ZFYVE16: variants seen among roughly 807,000 people sequenced by gnomAD.
ZFYVE16 encodes zinc finger FYVE domain-containing protein 16.
Under a neutral mutation model 138.1 loss-of-function variants are expected in ZFYVE16, and 89 were observed. The observed-to-expected ratio is 0.64, with a 90% CI of 0.54 to 0.77. The LOEUF (loss-of-function observed/expected upper bound fraction) is 0.77. ZFYVE16 is among the 30% of genes least tolerant of loss of function. ZFYVE16 has a pLI of 0.00. For synonymous variants in ZFYVE16, 596 were observed against 618.3 expected, an observed-to-expected ratio of 0.96 and a Z score of 0.53; for missense variants, 1,793 against 1,786.7, an observed-to-expected ratio of 1.00 and a Z score of -0.06.
chr5:80,474,962 C>T, intron 18 of ZFYVE16, 132 bp downstream of exon 18: 1 of 941,750 alleles, frequency 1.1e-6, no homozygotes. Flanking sequence ...ACACACTTCA[C>T]ATATATTATC....
At position 80,438,462 on chromosome 5, in the gene ZFYVE16, A is replaced by G; in HGVS notation, c.1777A>G (p.Asn593Asp). ...AGAIGESHGI[N>D]IICEIVDKQN... is the part of the protein sequence containing the mutation. ...AGCTATTGGGGAAAGTCATGGTATTAATATAATTTGTGAAATAGTTGATAA... is the reference window on the plus strand; with the variant it reads ...AGCTATTGGGGAAAGTCATGGTATTGATATAATTTGTGAAATAGTTGATAA... Residue 593 changes from asparagine (N) to aspartate (D), a missense_variant, in exon 4 of 19, where the codon AAT becomes GAT. By Grantham distance (23) the Asn-to-Asp change is conservative. Coordinates refer to ENST00000505560, the MANE Select transcript of ZFYVE16 (RefSeq NM_001284236.3). 6.2e-7 allele frequency: 1 copy of G among 1,613,796 alleles called. No individual in the cohort carries two copies. Among genetic ancestry groups the G allele is most frequent in the Non-Finnish European group, 8.5e-7 (1 of 1,179,856 alleles).
In ZFYVE16 at chr5:80,436,748, T is replaced by C; in HGVS notation, c.71-8T>C. 1 of 1,596,570 alleles carries C rather than the reference T, an allele frequency of 6.3e-7. No individual in the cohort carries two copies. The highest frequency in any genetic ancestry group is 1.1e-5 in the South Asian group (1 of 89,202). On this transcript the variant is annotated splice_region_variant and splice_polypyrimidine_tract_variant and intron_variant, in intron 3 of 18. Coordinates refer to ENST00000505560, the MANE Select transcript of ZFYVE16 (RefSeq NM_001284236.3). ...AGTCTCCCGAATAACACTGTTTCTC[T>C]ATTTCAGATGAACAAGATTATCTCC...
intron 15 of ZFYVE16, among the ~76,000 whole-genome samples, chr5:80,465,396 C>CTTTTTTTTTTTTTTTTTTTTTTTTTTTT (rs1187412933): frequency 7.6e-5 from 2 of 26,404 alleles, no homozygotes; most frequent in Non-Finnish European, 2.1e-4. Flanking sequence ...TTTTCCTTTT[C>CTTTTTTTTTTTTTTTTTTTTTTTTTTTT]TTTGTTTTTT....
At chr5:80,434,289 A>G in intron 3 of ZFYVE16, 72 bp downstream of exon 3, 4 of 1,456,762 alleles carry the variant, frequency 2.7e-6, no homozygotes, top group Non-Finnish European at 3.8e-6. Flanking sequence ...TCAGGTATAC[A>G]GTAATATTAG....
chr5:80,468,526 G>T (rs533050713), intron 15 of ZFYVE16, among the ~76,000 whole-genome samples: 2 of 152,186 alleles, frequency 1.3e-5, no homozygotes, highest in South Asian at 4.1e-4. Context: ...CACAGAAAAC[G>T]CACAGTAAAA....
Position 80,411,036 on chromosome 5 carries a change from G to C in ZFYVE16, c.-94+2883G>C, listed in dbSNP as rs184406840. 6.1e-3 allele frequency among the ~76,000 whole-genome samples: 929 copies of C among 151,268 alleles called. 10 individuals carry two copies. Among genetic ancestry groups the C allele is most frequent in the African/African-American group, 0.021 (857 of 41,130 alleles). ...GGCTGGAGTGCAGTGGCACCATCTCGGCTCACTGCAACCTCCGCCTCCTGG... is the reference window on the plus strand; with the variant it reads ...GGCTGGAGTGCAGTGGCACCATCTCCGCTCACTGCAACCTCCGCCTCCTGG... On this transcript the variant is annotated intron_variant, in intron 1 of 18. Transcript: ENST00000505560.
rs369109701 is a variant in ZFYVE16 at position 80,470,064 on chromosome 5, C to CGTGTGTGTGTGTGTGT, written c.4025-2676_4025-2661dup. ...ATATATGTGTGTGTGTGTATATATA[C>CGTGTGTGTGTGTGTGT]GTGTGTGTGTGTGTGTGTGTGTGTG... is the stretch of plus-strand genomic sequence containing the variant. On this transcript the variant is annotated intron_variant, in intron 15 of 18. Coordinates refer to ENST00000505560, the MANE Select transcript of ZFYVE16 (RefSeq NM_001284236.3). Among the ~76,000 whole-genome samples the CGTGTGTGTGTGTGTGT allele has an allele frequency of 1.4e-3, 85 of 59,512 alleles. 1 individual carries two copies. Among genetic ancestry groups the CGTGTGTGTGTGTGTGT allele is most frequent in the African/African-American group, 3.1e-3 (67 of 21,380 alleles). 39.0% of individuals were successfully genotyped at this position (59,512 alleles called of 152,430 possible).
chr5:80,441,161 T>C (rs1325695025), intron 5 of ZFYVE16: 24 of 985,428 alleles, frequency 2.4e-5, no homozygotes, highest in Non-Finnish European at 2.4e-5. Flanking sequence ...AATTCAGAAA[T>C]TTTAGAGCAA....
chr5:80,441,824 G>C, intron 5 of ZFYVE16: 2 of 985,408 alleles, frequency 2.0e-6, no homozygotes, highest in Non-Finnish European at 2.4e-6. Context: ...GATTGTTTTA[G>C]CAGTGGCAGC....
Position 80,437,014 on chromosome 5 carries a change from C to T in ZFYVE16, c.329C>T (p.Thr110Ile), listed in dbSNP as rs143218664. The change falls in exon 4 of 19, where the codon ACT becomes ATT. Residue 110 changes from threonine to isoleucine, a missense_variant. Thr to Ile is a moderately conservative substitution (Grantham distance 89). Transcript: ENST00000505560. The part of the protein sequence containing the change: ...LDLLSSVDGG[T>I]SDEIQPLYMG... ...CTTCTTTCTTCTGTGGATGGTGGTA[C>T]TTCAGATGAAATCCAGCCGTTATAT... is the stretch of plus-strand genomic sequence containing the variant. The T allele has an allele frequency of 1.9e-6, 3 of 1,614,012 alleles. No individual in the cohort carries two copies. The highest frequency in any genetic ancestry group is 4.5e-5 in the East Asian group (2 of 44,886).
intron 2 of ZFYVE16, among the ~76,000 whole-genome samples, chr5:80,428,067 C>T (rs564122510): frequency 2.2e-4 from 32 of 147,080 alleles, no homozygotes; most frequent in African/African-American, 7.7e-4. Flanking sequence ...ACACAGAAGA[C>T]GGGTGATTTC....
At chr5:80,413,671 A>G (rs1225002542) in intron 1 of ZFYVE16, among the ~76,000 whole-genome samples, 1 of 152,188 alleles carries the variant, frequency 6.6e-6, no homozygotes, top group Admixed American at 6.5e-5. Context: ...TGATGGATGC[A>G]TAGGAGAGAA....
chr5:80,419,096 T>TA (rs1353509575), intron 1 of ZFYVE16, among the ~76,000 whole-genome samples: 4 of 151,242 alleles, frequency 2.6e-5, no homozygotes, highest in African/African-American at 2.4e-5. Context: ...TTTTTTTTTT[T>TA]ATGCAGGGTC....
intron 11 of ZFYVE16, chr5:80,455,021 G>A (rs936869680): frequency 1.3e-5 from 2 of 152,152 alleles, no homozygotes; most frequent in East Asian, 3.8e-4. Context: ...ATAATGAAAA[G>A]ATGAAATACT....
chr5:80,457,207 AAT>A lies in ZFYVE16; in HGVS notation c.3943+118_3943+119del, dbSNP rs576913828. The A allele has an allele frequency of 4.2e-5, 60 of 1,418,790 alleles. No homozygotes were observed. In the African/African-American group the frequency reaches 7.6e-4, roughly 18 times the overall value. The allele number at this position is 1,418,790 out of a possible 1,614,324, so 87.9% of individuals were successfully genotyped here. On this transcript the variant is annotated intron_variant, in intron 14 of 18. Transcript: ENST00000505560. Reference sequence around the variant, plus strand: ...TTTGCTGAATTGTTGGTGATAAAACAATATGTTTTGAAATTTCAGCTACACAA... The same window carrying A: ...TTTGCTGAATTGTTGGTGATAAAACAATGTTTTGAAATTTCAGCTACACAA...
chr5:80,460,933 T>A (rs1753037380), intron 15 of ZFYVE16, among the ~76,000 whole-genome samples: 1 of 152,204 alleles, frequency 6.6e-6, no homozygotes, highest in Non-Finnish European at 1.5e-5. Flanking sequence ...CAATCCTACT[T>A]TATCCATACT....
Position 80,477,430 on chromosome 5 carries a change from C to G in ZFYVE16, c.*53C>G, listed in dbSNP as rs527886922. 3.3e-5 allele frequency: 51 copies of G among 1,525,546 alleles called. No homozygotes were observed. Among genetic ancestry groups the G allele is most frequent in the South Asian group, 7.4e-5 (6 of 80,816 alleles). 94.5% of individuals were successfully genotyped at this position (1,525,546 alleles called of 1,614,324 possible). A position where few individuals can be genotyped will look rare whatever the true frequency, so the allele number is the denominator to read the frequency against. On this transcript the variant is annotated 3_prime_UTR_variant, in exon 19 of 19. Transcript: ENST00000505560. ...CAACCTAATTTGTTAAAACTAACTC[C>G]AGCACTAAAGCTGAAATGCCACAAA...
intron 1 of ZFYVE16, among the ~76,000 whole-genome samples, chr5:80,417,534 A>G (rs1418099590): frequency 2.6e-5 from 4 of 152,186 alleles, no homozygotes; most frequent in African/African-American, 4.8e-5. Flanking sequence ...TTGGTGTTTT[A>G]CTGTCTCTGT....
intron 1 of ZFYVE16, among the ~76,000 whole-genome samples, chr5:80,411,029 CCATCTCGG>C (rs1253252206): frequency 6.6e-6 from 1 of 150,630 alleles, no homozygotes; most frequent in African/African-American, 2.4e-5. Context: ...TGCAGTGGCA[CCATCTCGG>C]CTCACTGCAA....
Sources: gnomAD v4.1 joint callset for allele counts (sites outside exome capture counted in the v4.1 genomes callset) on GRCh38, gnomAD v4.1.1 for gene constraint, MANE v1.5 for transcripts, NCBI Gene and HGNC (gene_info 2026-07-23, HGNC 2026-07-21) for gene names.